The following RBFOX1 variants were observed in gnomAD, a reference collection of about 807,000 sequenced individuals.
RBFOX1 encodes the protein RNA binding fox-1 homolog 1, also known as RNA binding protein fox-1 homolog 1.
Under a neutral mutation model 57.7 loss-of-function variants are expected in RBFOX1, and 8 were observed. The observed-to-expected ratio is 0.14, with a 90% CI of 0.08 to 0.25. RBFOX1 has a LOEUF of 0.25. Among genes scored for constraint, RBFOX1 ranks in the 10% least tolerant of loss-of-function variants. RBFOX1 has a pLI of 1.00. For synonymous variants in RBFOX1, 326 were observed against 222.4 expected (o/e 1.47, Z -4.15); for missense variants, 611 against 548.5 (o/e 1.11, Z -1.14).
intron 1 of RBFOX1, among the ~76,000 whole-genome samples, chr16:5,352,943 A>G (rs1485466692): frequency 1.3e-5 from 2 of 152,202 alleles, no homozygotes; most frequent in African/African-American, 4.8e-5. Flanking sequence ...ACCCTGTTTT[A>G]GAAACAAAAA....
chr16:5,879,624 C>G (rs934238414), intron 4 of RBFOX1, among the ~76,000 whole-genome samples: 1 of 152,170 alleles, frequency 6.6e-6, no homozygotes, highest in African/African-American at 2.4e-5. Flanking sequence ...GCCACCACGC[C>G]TGATCTATTT....
chr16:6,408,421 A>G (rs971413767), intron 2 of RBFOX1, among the ~76,000 whole-genome samples: 1 of 152,176 alleles, frequency 6.6e-6, no homozygotes, highest in East Asian at 1.9e-4. Flanking sequence ...GTTTTTTAAT[A>G]GACTGAAATT....
intron 1 of RBFOX1, among the ~76,000 whole-genome samples, chr16:6,132,298 G>GT (rs35222897): frequency 0.078 from 11,841 of 152,222 alleles, 523 homozygotes; most frequent in African/African-American, 0.1. Flanking sequence ...TCTGTGACTA[G>GT]TTTTGCTCAC....
At chr16:7,700,529 G>A (rs1228812955) in intron 14 of RBFOX1, among the ~76,000 whole-genome samples, 1 of 152,128 alleles carries the variant, frequency 6.6e-6, no homozygotes, top group Non-Finnish European at 1.5e-5. Context: ...TTCCTCCTAT[G>A]GGGTAAAGTA....
intron 3 of RBFOX1, among the ~76,000 whole-genome samples, chr16:5,649,033 C>T (rs747069706): frequency 1.3e-5 from 2 of 151,588 alleles, no homozygotes; most frequent in Non-Finnish European, 2.9e-5. Flanking sequence ...CACTGCACTC[C>T]AGCCTGAGAG....
chr16:7,683,372 A>G, intron 14 of RBFOX1, among the ~76,000 whole-genome samples: 1 of 151,892 alleles, frequency 6.6e-6, no homozygotes, highest in East Asian at 2.0e-4. Flanking sequence ...AATGTGTTCA[A>G]CTTTCTCTCT....
At chr16:5,255,029 A>T (rs1029587664) in intron 1 of RBFOX1, among the ~76,000 whole-genome samples, 1 of 152,188 alleles carries the variant, frequency 6.6e-6, no homozygotes, top group Non-Finnish European at 1.5e-5. Context: ...TGACACAGCC[A>T]GTTGATTATT....
At chr16:6,525,208 ATT>A (rs2096562076) in intron 2 of RBFOX1, among the ~76,000 whole-genome samples, 1 of 152,176 alleles carries the variant, frequency 6.6e-6, no homozygotes, top group South Asian at 2.1e-4. Flanking sequence ...GATAAGAACA[ATT>A]CTAGCTTGAA....
chr16:6,666,980 C>T (rs573587484), intron 3 of RBFOX1, among the ~76,000 whole-genome samples: 2 of 152,154 alleles, frequency 1.3e-5, no homozygotes, highest in Non-Finnish European at 2.9e-5. Context: ...GGGCTTCTGA[C>T]TCTAGGATGG....
chr16:5,740,861 C>T (rs1486082169), intron 3 of RBFOX1, among the ~76,000 whole-genome samples: 2 of 151,994 alleles, frequency 1.3e-5, no homozygotes, highest in Non-Finnish European at 1.5e-5. Flanking sequence ...ATTATGTGCC[C>T]GTCTGGACAG....
intron 10 of RBFOX1, among the ~76,000 whole-genome samples, chr16:7,626,801 G>A (rs1377954292): frequency 6.6e-6 from 1 of 152,204 alleles, no homozygotes; most frequent in Non-Finnish European, 1.5e-5. Flanking sequence ...AGCAAAGAGG[G>A]TAGAAGTGGA....
intron 14 of RBFOX1, among the ~76,000 whole-genome samples, chr16:7,706,805 T>TAC (rs1464858507): frequency 3.3e-5 from 5 of 152,192 alleles, no homozygotes; most frequent in East Asian, 3.9e-4. Flanking sequence ...TAAAGAGCAG[T>TAC]ACCAAGGTTA....
chr16:7,640,705 T>C (rs1280944683), intron 11 of RBFOX1, among the ~76,000 whole-genome samples: 1 of 152,198 alleles, frequency 6.6e-6, no homozygotes. Flanking sequence ...AAAGTGTTTT[T>C]TAATGCTCAC....
intron 3 of RBFOX1, among the ~76,000 whole-genome samples, chr16:5,748,819 T>C (rs921145431): frequency 1.1e-4 from 16 of 152,236 alleles, no homozygotes; most frequent in African/African-American, 2.9e-4. Context: ...CTTGACTCTT[T>C]ATCCAATTTG....
intron 1 of RBFOX1, among the ~76,000 whole-genome samples, chr16:5,288,712 C>G (rs545217351): frequency 6.7e-6 from 1 of 149,172 alleles, no homozygotes; most frequent in Non-Finnish European, 1.5e-5. Context: ...TTTTTTGGTC[C>G]CACTTCTCCC....
chr16:7,138,472 C>G (rs1220452635), intron 4 of RBFOX1, among the ~76,000 whole-genome samples: 2 of 152,094 alleles, frequency 1.3e-5, no homozygotes, highest in Admixed American at 1.3e-4. Flanking sequence ...CCAACCAGGA[C>G]AAAGAAGAGA....
chr16:5,349,197 C>G (rs1280393650), intron 1 of RBFOX1, among the ~76,000 whole-genome samples: 1 of 152,162 alleles, frequency 6.6e-6, no homozygotes, highest in African/African-American at 2.4e-5. Context: ...CACCGAAGTA[C>G]AAATACCATA....
At chr16:6,165,244 A>C (rs1295684506) in intron 1 of RBFOX1, among the ~76,000 whole-genome samples, 10 of 152,202 alleles carry the variant, frequency 6.6e-5, no homozygotes, top group African/African-American at 2.4e-4. Context: ...CTTTACATAC[A>C]GCAAGTGCTT....
chr16:7,095,335 A>C (rs911664916), intron 4 of RBFOX1, among the ~76,000 whole-genome samples: 5 of 151,988 alleles, frequency 3.3e-5, no homozygotes, highest in Non-Finnish European at 4.4e-5. Context: ...ACTGGGTTTC[A>C]CTATATTGGC....
Sources: gnomAD v4.1 joint callset for allele counts (sites outside exome capture counted in the v4.1 genomes callset) on GRCh38, gnomAD v4.1.1 for gene constraint, MANE v1.5 for transcripts, NCBI Gene and HGNC (gene_info 2026-07-23, HGNC 2026-07-21) for gene names.